Variants in CFAP299 observed in about 807,000 individuals in gnomAD.
CFAP299 encodes cilia and flagella associated protein 299.
A neutral mutation model predicts 27.0 loss-of-function variants in CFAP299; 21 were observed. The observed-to-expected ratio is 0.78, with a 90% CI of 0.55 to 1.12. CFAP299 has a LOEUF of 1.12. Among genes scored for constraint, CFAP299 ranks in the 50% most tolerant of loss-of-function variants. The pLI is 0.00. For synonymous variants in CFAP299, 104 were observed against 98.1 expected (o/e 1.06, Z -0.36); for missense variants, 310 against 276.6 (o/e 1.12, Z -0.86).
At chr4:80,600,038 G>A (rs951742832) in intron 3 of CFAP299, among the ~76,000 whole-genome samples, 1 of 151,984 alleles carries the variant, frequency 6.6e-6, no homozygotes, top group Non-Finnish European at 1.5e-5. Flanking sequence ...CAGGGTGTCC[G>A]AATGCCTCTG....
intron 3 of CFAP299, among the ~76,000 whole-genome samples, chr4:80,748,658 C>G (rs1724753278): frequency 1.3e-5 from 2 of 152,074 alleles, no homozygotes; most frequent in South Asian, 4.1e-4. Context: ...AGATGAATAT[C>G]TCTTCTATTG....
chr4:80,387,143 T>C, intron 2 of CFAP299: 1 of 1,387,522 alleles, frequency 7.2e-7, no homozygotes. Flanking sequence ...GACACACTTG[T>C]AGACGGCACT....
chr4:80,809,292 T>C (rs1729020018), intron 3 of CFAP299, among the ~76,000 whole-genome samples: 1 of 152,170 alleles, frequency 6.6e-6, no homozygotes, highest in Non-Finnish European at 1.5e-5. Flanking sequence ...GTTGATAGCG[T>C]ATTATAGCTA....
chr4:80,476,085 G>T (rs553512337), intron 2 of CFAP299, among the ~76,000 whole-genome samples: 1 of 152,246 alleles, frequency 6.6e-6, no homozygotes, highest in South Asian at 2.1e-4. Flanking sequence ...AGCATCATTG[G>T]TAAGAGTGAA....
intron 3 of CFAP299, among the ~76,000 whole-genome samples, chr4:80,741,243 T>G (rs1403151358): frequency 6.6e-6 from 1 of 152,126 alleles, no homozygotes; most frequent in Non-Finnish European, 1.5e-5. Context: ...TGTTTTGTTT[T>G]TTGTTTCATT....
At chr4:80,878,931 C>T (rs115558046) in intron 4 of CFAP299, among the ~76,000 whole-genome samples, 2,463 of 152,154 alleles carry the variant, frequency 0.016, 55 homozygotes, top group African/African-American at 0.055. Context: ...CCCATTATTT[C>T]CATGGAAAAC....
At chr4:80,775,071 T>TAA (rs369851677) in intron 3 of CFAP299, among the ~76,000 whole-genome samples, 1 of 141,378 alleles carries the variant, frequency 7.1e-6, no homozygotes, top group African/African-American at 2.6e-5. Flanking sequence ...AATAAAAAAA[T>TAA]AAAAAAAAAA....
chr4:80,796,570 G>A (rs1351177027), intron 3 of CFAP299, among the ~76,000 whole-genome samples: 1 of 152,186 alleles, frequency 6.6e-6, no homozygotes, highest in African/African-American at 2.4e-5. Flanking sequence ...CTTATGGACA[G>A]TAATGGAGAA....
chr4:80,796,568 C>G (rs191245539), intron 3 of CFAP299, among the ~76,000 whole-genome samples: 1 of 152,036 alleles, frequency 6.6e-6, no homozygotes, highest in South Asian at 2.1e-4. Context: ...GCCTTATGGA[C>G]AGTAATGGAG....
Position 80,690,524 on chromosome 4 carries a change from T to C in CFAP299, c.333+107341T>C, listed in dbSNP as rs559507481. 5.3e-5 allele frequency among the ~76,000 whole-genome samples: 8 copies of C among 151,312 alleles called. 1 individual carries two copies. In the East Asian group the frequency reaches 1.4e-3, roughly 26 times the overall value. On this transcript the variant is annotated intron_variant, in intron 3 of 5. Transcript: ENST00000358105. ...AACAAAGACACAACATACCAGAATC[T>C]CTGGGACGCATTCAAAGCAGTGTGT...
At chr4:80,552,198 G>C (rs183411883) in intron 2 of CFAP299, among the ~76,000 whole-genome samples, 1 of 152,244 alleles carries the variant, frequency 6.6e-6, no homozygotes, top group East Asian at 1.9e-4. Context: ...GTACTGCCTG[G>C]TGACATCTAC....
rs183342135 is a variant in CFAP299, at chr4:80,336,453, C to G, written c.111+574C>G. On this transcript the variant is annotated intron_variant, in intron 1 of 5. Transcript: ENST00000358105. ...AGACATATTCCTGATTCAAGTTTAT[C>G]GAGTTGATGATCACAACTAACTTTG... 9 of 152,528 alleles carry G rather than the reference C, an allele frequency of 5.9e-5. 1 individual carries two copies. Among genetic ancestry groups the G allele is most frequent in the Admixed American group, 1.3e-4 (2 of 15,308 alleles). The allele number at this position is 152,528 out of a possible 1,614,324, so 9.4% of individuals were successfully genotyped here. A position where few individuals can be genotyped will look rare whatever the true frequency, so the allele number is the denominator to read the frequency against.
chr4:80,891,830 G>GAA (rs35425830), intron 4 of CFAP299, among the ~76,000 whole-genome samples: 1,522 of 53,936 alleles, frequency 0.028, 49 homozygotes, highest in Middle Eastern at 0.034. Flanking sequence ...TAGATTAAAG[G>GAA]AAAAAAAAAA....
At chr4:80,688,569 T>C (rs1720404378) in intron 3 of CFAP299, among the ~76,000 whole-genome samples, 1 of 151,952 alleles carries the variant, frequency 6.6e-6, no homozygotes, top group African/African-American at 2.4e-5. Flanking sequence ...AAGACAAAAG[T>C]AGATAAAACC....
At chr4:80,503,212 G>C (rs1731825936) in intron 2 of CFAP299, among the ~76,000 whole-genome samples, 2 of 151,920 alleles carry the variant, frequency 1.3e-5, no homozygotes, top group Non-Finnish European at 2.9e-5. Flanking sequence ...CTTTCACCTG[G>C]CCTTAATTTA....
intron 3 of CFAP299, among the ~76,000 whole-genome samples, chr4:80,594,034 T>C (rs1483534027): frequency 1.3e-5 from 2 of 152,234 alleles, no homozygotes; most frequent in African/African-American, 2.4e-5. Flanking sequence ...TTGTTCAGTC[T>C]ATTAACTTTA....
At chr4:80,925,056 A>G (rs896626871) in intron 4 of CFAP299, among the ~76,000 whole-genome samples, 2 of 151,816 alleles carry the variant, frequency 1.3e-5, no homozygotes, top group African/African-American at 2.4e-5. Flanking sequence ...CTCTTGACAT[A>G]AAGTTTTATT....
At chr4:80,796,613 G>A (rs1727877272) in intron 3 of CFAP299, among the ~76,000 whole-genome samples, 1 of 152,222 alleles carries the variant, frequency 6.6e-6, no homozygotes, top group South Asian at 2.1e-4. Context: ...CCCAGCAGCT[G>A]CAATTGGAGT....
chr4:80,543,337 C>T (rs957818612), intron 2 of CFAP299, among the ~76,000 whole-genome samples: 1 of 152,186 alleles, frequency 6.6e-6, no homozygotes, highest in African/African-American at 2.4e-5. Context: ...ACCAGCTCCC[C>T]AGCAATGATT....
Sources: allele counts gnomAD v4.1 joint callset (sites outside exome capture counted in the v4.1 genomes callset), GRCh38; gene constraint gnomAD v4.1.1; transcripts MANE v1.5; gene names NCBI Gene and HGNC (gene_info 2026-07-23, HGNC 2026-07-21).